WDR83: variants seen among roughly 807,000 people sequenced by gnomAD.
WDR83 encodes the protein WD repeat domain 83.
A neutral mutation model predicts 37.7 loss-of-function variants in WDR83; 37 were observed. The ratio of observed to expected loss-of-function variants is 0.98; its 90% CI spans 0.76 to 1.29. The LOEUF (loss-of-function observed/expected upper bound fraction) is 1.29. Ranked by LOEUF, WDR83 falls within the 50% of genes most tolerant of loss-of-function variation. The pLI is 0.00. For missense variants in WDR83, 445 were observed against 414.4 expected, an observed-to-expected ratio of 1.07 and a Z score of -0.64; for synonymous variants, 174 against 181.1, an observed-to-expected ratio of 0.96 and a Z score of 0.31.
chr19:12,670,054 C>T lies in WDR83; in HGVS notation c.181C>T (p.Arg61Trp). 6.2e-7 allele frequency: 1 copy of T among 1,612,994 alleles called. No homozygotes were observed. Among genetic ancestry groups the T allele is most frequent in the Non-Finnish European group, 8.5e-7 (1 of 1,179,196 alleles). ...LWNPLRGTLL[R>W]TYSGHGYEVL... ...GAACCCGCTTCGGGGGACGCTGCTG[C>T]GGACGTACAGCGGCCACGGCTACGA... The change falls in exon 4 of 11, where the codon CGG (arginine) becomes TGG (tryptophan). Residue 61 changes from arginine to tryptophan, a missense_variant. Physicochemically the swap from Arg to Trp is moderately radical, Grantham distance 101 (BLOSUM62 -3). Transcript: ENST00000418543.
chr19:12,673,405 AG>A (rs1202540874), intron 10 of WDR83, 89 bp downstream of exon 10: 3 of 342,302 alleles, frequency 8.8e-6, no homozygotes, highest in African/African-American at 4.8e-5. Context: ...CCTGAAGGCT[AG>A]GATCTTTTTT....
chr19:12,673,307 C>T lies in WDR83; in HGVS notation c.789C>T (p.Asp263=), dbSNP rs367826525. ...AGGACGGGAAGGTGTTCTTCTGGGA[C>T]CTGGTGGAGGTGAGGTGCCCCCAGC... ...CSEDGKVFFW[D]LVEGALALAL... The change falls in exon 10 of 11, where the codon GAC becomes GAT. Residue 263 remains aspartate, a synonymous_variant. Coordinates refer to ENST00000418543, the MANE Select transcript of WDR83 (RefSeq NM_001099737.3). The T allele has an allele frequency of 3.0e-5, 49 of 1,613,132 alleles. No homozygotes were observed. The highest frequency in any genetic ancestry group is 4.2e-5 in the Non-Finnish European group (49 of 1,179,550).
In WDR83 at chr19:12,669,992, G is replaced by C. The variant is rs2861397; in HGVS notation, c.119G>C (p.Cys40Ser). 1.2e-6 allele frequency: 2 copies of C among 1,611,324 alleles called. No homozygotes were observed. The highest frequency in any genetic ancestry group is 1.7e-6 in the Non-Finnish European group (2 of 1,177,756). Residue 40 changes from cysteine (C) to serine (S), a missense_variant, in exon 4 of 11, where the codon TGC (cysteine) becomes TCC (serine). By Grantham distance (112) the Cys-to-Ser change is moderately radical. Coordinates refer to ENST00000418543, the MANE Select transcript of WDR83 (RefSeq NM_001099737.3). ...TGTTCCCCAGTGGATGGCAATTACT[G>C]CCTGACGTGCGGCAGTGACAAGACG... The part of the protein sequence containing the change: ...AVRFNVDGNY[C>S]LTCGSDKTLK...
At chr19:12,673,408 A>G (rs2024479892) in intron 10 of WDR83, 92 bp downstream of exon 10, 1 of 266,040 alleles carries the variant, frequency 3.8e-6, no homozygotes, top group Non-Finnish European at 7.1e-6. Flanking sequence ...GAAGGCTAGG[A>G]TCTTTTTTTT....
intron 7 of WDR83, 129 bp downstream of exon 7, chr19:12,670,950 G>C (rs1346719189): frequency 7.1e-7 from 1 of 1,407,570 alleles, no homozygotes; most frequent in African/African-American, 1.4e-5. Context: ...TACTTGGGAG[G>C]CTGAAGTGGA....
In WDR83 at chr19:12,670,612, G is replaced by A. The variant is rs756994433; in HGVS notation, c.379+1G>A. The A allele has an allele frequency of 6.2e-7, 1 of 1,614,234 alleles. No homozygotes were observed. ...GAAGAGGCCACAGTTATCCTGTCCG[G>A]TGAGTCTGGGGCCTAAGCACGGGGG... is the stretch of plus-strand genomic sequence containing the variant. On this transcript the variant is annotated splice_donor_variant, in intron 6 of 10. Transcript: ENST00000418543. LOFTEE classifies it high-confidence loss of function.
chr19:12,670,817 G>A lies in WDR83; in HGVS notation c.502G>A (p.Ala168Thr), dbSNP rs1459099304. 2 of 1,612,754 alleles carry A rather than the reference G, an allele frequency of 1.2e-6. No individual in the cohort carries two copies. Among genetic ancestry groups the A allele is most frequent in the Admixed American group, 1.7e-5 (1 of 59,762 alleles). ...GAAGGTGTCAGACCACGAGATCCTGGCAGGGTGAGTGGAGCCAGGACCTGG... is the reference window on the plus strand; with the variant it reads ...GAAGGTGTCAGACCACGAGATCCTGACAGGGTGAGTGGAGCCAGGACCTGG... Reference protein sequence around the residue: ...SVKVSDHEILAGSVDGRVRRY... With the variant: ...SVKVSDHEILTGSVDGRVRRY... The change falls in exon 7 of 11, where the codon GCA becomes ACA. Residue 168 changes from alanine (A) to threonine (T), a missense_variant. Coordinates refer to ENST00000418543, the MANE Select transcript of WDR83 (RefSeq NM_001099737.3).
At chr19:12,673,410 CTTTTTTTTTTTTTTT>C in intron 10 of WDR83, 94 bp downstream of exon 10, 2 of 247,280 alleles carry the variant, frequency 8.1e-6, no homozygotes, top group African/African-American at 4.0e-5. Flanking sequence ...AGGCTAGGAT[CTTTTTTTTTTTTTTT>C]TTTTTTTTTT....
chr19:12,669,271 GCC>G, intron 2 of WDR83: 2 of 1,611,114 alleles, frequency 1.2e-6, no homozygotes, highest in Non-Finnish European at 1.7e-6. Flanking sequence ...CTCAGGTCCT[GCC>G]CCCGGGATAG....
chr19:12,668,612 C>G lies in WDR83; in HGVS notation c.-52C>G. On this transcript the variant is annotated 5_prime_UTR_variant, in exon 2 of 11. Transcript: ENST00000418543. ...AGTAGACAGCGACCCAAGCACACCA[C>G]TTCAGCTAGGGAAAGGTAAGTGGGT... is the stretch of plus-strand genomic sequence containing the variant. The G allele has an allele frequency of 1.2e-6, 2 of 1,614,024 alleles. No individual in the cohort carries two copies. Among genetic ancestry groups the G allele is most frequent in the Non-Finnish European group, 1.7e-6 (2 of 1,179,992 alleles).
At chr19:12,670,877 C>T in intron 7 of WDR83, 56 bp downstream of exon 7, 1 of 1,574,212 alleles carries the variant, frequency 6.4e-7, no homozygotes, top group African/African-American at 1.4e-5. Flanking sequence ...TCATAGCTGC[C>T]CCCATGCTCA....
chr19:12,675,103 A>C (rs1568316048), intron 10 of WDR83, among the ~76,000 whole-genome samples: 2 of 147,406 alleles, frequency 1.4e-5, no homozygotes, highest in African/African-American at 5.1e-5. Flanking sequence ...ACAGAGCAAG[A>C]CTCCATCTCA....
intron 7 of WDR83, among the ~76,000 whole-genome samples, chr19:12,672,079 A>AGAG (rs1295435687): frequency 1.8e-4 from 27 of 152,174 alleles, no homozygotes; most frequent in African/African-American, 6.0e-4. Flanking sequence ...AGGAGGAGGA[A>AGAG]GAGGAGGGAT....
At position 12,675,705 on chromosome 19, in the gene WDR83, G is replaced by C; in HGVS notation, c.*33G>C. 1.3e-6 allele frequency: 2 copies of C among 1,595,844 alleles called. No individual in the cohort carries two copies. The highest frequency in any genetic ancestry group is 1.7e-6 in the Non-Finnish European group (2 of 1,175,958). Reference sequence around the variant, plus strand: ...GGACCCACCAACAGGACCAAGGACCGAGACACAGACATGGAAGGACTTCAG... The same window carrying C: ...GGACCCACCAACAGGACCAAGGACCCAGACACAGACATGGAAGGACTTCAG... On this transcript the variant is annotated 3_prime_UTR_variant, in exon 11 of 11. Coordinates refer to ENST00000418543, the MANE Select transcript of WDR83 (RefSeq NM_001099737.3).
At position 12,667,010 on chromosome 19, in the gene WDR83, T is replaced by G. The variant is rs1237557012; in HGVS notation, c.-157+18T>G. On this transcript the variant is annotated intron_variant, in intron 1 of 10. Coordinates refer to ENST00000418543, the MANE Select transcript of WDR83 (RefSeq NM_001099737.3). ...TAATGCCGGTAGGAGCAGAAGTGCT[T>G]TTCCTAAGGGGGCCGGGTTTTCCTA... The G allele has an allele frequency of 2.1e-6, 1 of 470,106 alleles. No homozygotes were observed. The highest frequency in any genetic ancestry group is 2.0e-5 in the African/African-American group (1 of 49,166). 29.1% of individuals were successfully genotyped at this position (470,106 alleles called of 1,614,324 possible). A position where few individuals can be genotyped will look rare whatever the true frequency, so the allele number is the denominator to read the frequency against.
chr19:12,673,410 C>CTTTT (rs58676851), intron 10 of WDR83, 94 bp downstream of exon 10: 44 of 247,964 alleles, frequency 1.8e-4, no homozygotes, highest in South Asian at 3.2e-4. Context: ...AGGCTAGGAT[C>CTTTT]TTTTTTTTTT....
chr19:12,668,707 T>C, intron 2 of WDR83, 80 bp downstream of exon 2: 1 of 1,051,046 alleles, frequency 9.5e-7, no homozygotes, highest in Non-Finnish European at 1.4e-6. Context: ...TCATGCCCAC[T>C]GATTCCATCT....
intron 10 of WDR83, among the ~76,000 whole-genome samples, chr19:12,673,695 C>T (rs966053578): frequency 6.6e-5 from 10 of 151,504 alleles, no homozygotes; most frequent in Non-Finnish European, 1.2e-4. Flanking sequence ...GGATTACAGG[C>T]GTAAGCCACC....
chr19:12,675,184 T>C (rs113702355), intron 10 of WDR83, among the ~76,000 whole-genome samples: 79 of 152,140 alleles, frequency 5.2e-4, no homozygotes, highest in Non-Finnish European at 9.7e-4. Context: ...CCTAGCACTT[T>C]GGGAGGCCAA....
Sources: gnomAD v4.1 joint callset for allele counts (sites outside exome capture counted in the v4.1 genomes callset) on GRCh38, gnomAD v4.1.1 for gene constraint, MANE v1.5 for transcripts, NCBI Gene and HGNC (gene_info 2026-07-23, HGNC 2026-07-21) for gene names.